FLRT1: variants seen among roughly 807,000 people sequenced by gnomAD.
FLRT1 encodes the protein leucine-rich repeat transmembrane protein FLRT1.
A neutral mutation model predicts 30.9 loss-of-function variants in FLRT1; 14 were observed. That is an observed-to-expected ratio of 0.45 (90% CI 0.30 to 0.71). The LOEUF (loss-of-function observed/expected upper bound fraction) is 0.71, where lower values mean the gene tolerates loss of function less well. Among genes scored for constraint, FLRT1 ranks in the 30% least tolerant of loss-of-function variants. The pLI is 0.08. For synonymous variants in FLRT1, 368 were observed against 430.4 expected, an observed-to-expected ratio of 0.85 and a Z score of 1.80; for missense variants, 737 against 949.2, an observed-to-expected ratio of 0.78 and a Z score of 2.94.
rs1456412834 is a variant in FLRT1, at chr11:64,116,873, G to T, written c.606G>T (p.Glu202Asp). ...IPSGLPHTLEELRLDDNRIST... is the reference protein window; with the variant it reads ...IPSGLPHTLEDLRLDDNRIST... ...CGGGGCTGCCGCACACGCTGGAGGA[G>T]CTGCGGCTGGATGACAACCGCATCT... The change falls in exon 3 of 3, where the codon GAG becomes GAT. Residue 202 changes from glutamate (E) to aspartate (D), a missense_variant. Coordinates refer to ENST00000682287, the MANE Select transcript of FLRT1 (RefSeq NM_013280.5). 2 of 1,611,892 alleles carry T rather than the reference G, an allele frequency of 1.2e-6. No individual in the cohort carries two copies. Among genetic ancestry groups the T allele is most frequent in the South Asian group, 2.2e-5 (2 of 91,070 alleles).
chr11:64,068,514 G>A (rs539344287), intron 1 of FLRT1, among the ~76,000 whole-genome samples: 2 of 152,356 alleles, frequency 1.3e-5, no homozygotes, highest in Admixed American at 6.5e-5. Context: ...CTAGGATAAC[G>A]ATGGTTGTCT....
chr11:64,091,531 G>A (rs780222652), intron 1 of FLRT1, among the ~76,000 whole-genome samples: 118 of 152,218 alleles, frequency 7.8e-4, no homozygotes, highest in African/African-American at 2.8e-3. Flanking sequence ...AACAGTAGCT[G>A]AGGTGCATGC....
chr11:64,057,108 T>C (rs1381228691), intron 1 of FLRT1, among the ~76,000 whole-genome samples: 1 of 152,148 alleles, frequency 6.6e-6, no homozygotes, highest in Admixed American at 6.5e-5. Context: ...GGGCTTCCTG[T>C]GTGTTCATCG....
At chr11:64,083,983 C>T (rs1408328784) in intron 1 of FLRT1, among the ~76,000 whole-genome samples, 1 of 141,678 alleles carries the variant, frequency 7.1e-6, no homozygotes, top group East Asian at 2.1e-4. Context: ...GTCATTTACA[C>T]AACTGGAACA....
Position 64,117,212 on chromosome 11 carries a change from C to G in FLRT1, c.945C>G (p.Asp315Glu). The change falls in exon 3 of 3, where the codon GAC (aspartate) becomes GAG (glutamate). Residue 315 changes from aspartate (D) to glutamate (E), a missense_variant. Coordinates refer to ENST00000682287, the MANE Select transcript of FLRT1 (RefSeq NM_013280.5). ...CCACGCTGCCCCGCGGCCTGTTCGA[C>G]GACCTGGGGAACCTGGCCCAGCTGC... ...NLTTLPRGLF[D>E]DLGNLAQLLL... 1 of 1,614,164 alleles carries G rather than the reference C, an allele frequency of 6.2e-7. No individual in the cohort carries two copies. The highest frequency in any genetic ancestry group is 8.5e-7 in the Non-Finnish European group (1 of 1,180,024).
chr11:64,107,498 C>T (rs144460078), intron 2 of FLRT1, among the ~76,000 whole-genome samples: 95 of 152,318 alleles, frequency 6.2e-4, no homozygotes, highest in African/African-American at 2.1e-3. Context: ...GCCACCCAGC[C>T]GGCCTATGTG....
rs1945050573 is a variant in FLRT1 at position 64,119,027 on chromosome 11, C to A, written c.*735C>A. 1 of 167,302 alleles carries A rather than the reference C, an allele frequency of 6.0e-6. No homozygotes were observed. The highest frequency in any genetic ancestry group is 2.1e-4 in the South Asian group (1 of 4,836). The allele number at this position is 167,302 out of a possible 1,614,324, so 10.4% of individuals were successfully genotyped here. A position where few individuals can be genotyped will look rare whatever the true frequency, so the allele number is the denominator to read the frequency against. ...CCGGCGGAAGCCGTAGCTTTCCCTG[C>A]CACCTGGAGGTGCATCTGTCTGCCT... is the stretch of plus-strand genomic sequence containing the variant. On this transcript the variant is annotated 3_prime_UTR_variant, in exon 3 of 3. Transcript: ENST00000682287.
At chr11:64,108,675 G>A (rs1231559782) in intron 2 of FLRT1, among the ~76,000 whole-genome samples, 2 of 152,264 alleles carry the variant, frequency 1.3e-5, no homozygotes, top group African/African-American at 4.8e-5. Flanking sequence ...CCGCTCTGGG[G>A]CTGAGAAACT....
intron 1 of FLRT1, among the ~76,000 whole-genome samples, chr11:64,053,911 C>A (rs369601859): frequency 1.3e-5 from 2 of 152,246 alleles, no homozygotes; most frequent in South Asian, 2.1e-4. Context: ...TCATCCCCCC[C>A]ACCACCTCTG....
intron 2 of FLRT1, among the ~76,000 whole-genome samples, chr11:64,107,500 G>A (rs1944784243): frequency 6.6e-6 from 1 of 152,158 alleles, no homozygotes; most frequent in Non-Finnish European, 1.5e-5. Flanking sequence ...CACCCAGCCG[G>A]CCTATGTGGT....
rs1319240001 is a variant in FLRT1 at position 64,036,178 on chromosome 11, G to C, written c.-1038+19G>C. On this transcript the variant is annotated intron_variant, in intron 1 of 2. Coordinates refer to ENST00000682287, the MANE Select transcript of FLRT1 (RefSeq NM_013280.5). This position sits in a 1 kb window ranked among gnomAD's most constrained non-coding sequence, Gnocchi z 5.6. Reference sequence around the variant, plus strand: ...TGCGCAGGTAGGGCTGGCTGCACCGGGCGGGGGTCGGGGTCCGCGCGTCTG... The same window carrying C: ...TGCGCAGGTAGGGCTGGCTGCACCGCGCGGGGGTCGGGGTCCGCGCGTCTG... 6.6e-6 allele frequency: 1 copy of C among 152,156 alleles called. No individual in the cohort carries two copies. Among genetic ancestry groups the C allele is most frequent in the East Asian group, 1.9e-4 (1 of 5,190 alleles). The allele number at this position is 152,156 out of a possible 1,614,324, so 9.4% of individuals were successfully genotyped here. A position where few individuals can be genotyped will look rare whatever the true frequency, so the allele number is the denominator to read the frequency against.
chr11:64,078,657 C>T (rs1204602519), intron 1 of FLRT1, among the ~76,000 whole-genome samples: 1 of 152,170 alleles, frequency 6.6e-6, no homozygotes, highest in Non-Finnish European at 1.5e-5. Flanking sequence ...CCTTGTCCTA[C>T]AAATATGTGC....
At chr11:64,059,609 C>T (rs1943857962) in intron 1 of FLRT1, among the ~76,000 whole-genome samples, 1 of 152,180 alleles carries the variant, frequency 6.6e-6, no homozygotes, top group Non-Finnish European at 1.5e-5. Flanking sequence ...CCGCAGGGGT[C>T]TCGGGGTACC....
At chr11:64,112,129 T>C (rs948473087) in intron 2 of FLRT1, among the ~76,000 whole-genome samples, 1 of 152,238 alleles carries the variant, frequency 6.6e-6, no homozygotes, top group African/African-American at 2.4e-5. Context: ...TTGAAATCTT[T>C]AGTGAGCATC....
At chr11:64,100,657 A>T (rs1944655518) in intron 1 of FLRT1, among the ~76,000 whole-genome samples, 1 of 152,216 alleles carries the variant, frequency 6.6e-6, no homozygotes, top group Non-Finnish European at 1.5e-5. Flanking sequence ...ACTAATGATC[A>T]TCATTATGCG....
intron 1 of FLRT1, among the ~76,000 whole-genome samples, chr11:64,072,395 A>C (rs1944125928): frequency 1.3e-5 from 2 of 152,142 alleles, no homozygotes; most frequent in Admixed American, 1.3e-4. Context: ...AGAAGCCAAA[A>C]TTAGAAGGTC....
intron 1 of FLRT1, among the ~76,000 whole-genome samples, chr11:64,051,546 C>A (rs1943695561): frequency 6.6e-6 from 1 of 152,222 alleles, no homozygotes; most frequent in African/African-American, 2.4e-5. Context: ...GGCAGGCTAA[C>A]AGCTGTTTGT....
At chr11:64,037,517 G>C (rs1262566181) in intron 1 of FLRT1, among the ~76,000 whole-genome samples, 1 of 152,208 alleles carries the variant, frequency 6.6e-6, no homozygotes, top group African/African-American at 2.4e-5. Context: ...GGCCTGAGCT[G>C]ACAGGGCCCG....
At chr11:64,081,858 G>A (rs12575710) in intron 1 of FLRT1, 29,199 of 151,954 alleles carry the variant, frequency 0.19, 3,445 homozygotes, top group East Asian at 0.47. Flanking sequence ...GACTGAGGCC[G>A]TGGTTCCAGT....
Sources: allele counts gnomAD v4.1 joint callset (sites outside exome capture counted in the v4.1 genomes callset), GRCh38; gene constraint gnomAD v4.1.1; non-coding constraint Gnocchi (gnomAD v3.1); transcripts MANE v1.5; gene names NCBI Gene and HGNC (gene_info 2026-07-23, HGNC 2026-07-21).